The following LUC7L2 variants were observed in gnomAD, a reference collection of about 807,000 sequenced individuals.
The protein encoded by LUC7L2 is LUC7 like 2, pre-mRNA splicing factor.
In LUC7L2, 25 loss-of-function variants were observed where a neutral mutation model predicts 52.8. The ratio of observed to expected loss-of-function variants is 0.47; its 90% confidence interval spans 0.34 to 0.66. The LOEUF is 0.66. Among genes scored for constraint, LUC7L2 ranks in the 30% least tolerant of loss-of-function variants. The pLI is 0.01. For missense variants in LUC7L2, 328 were observed against 497.8 expected (o/e 0.66, Z 3.25); for synonymous variants, 144 against 160.9 (o/e 0.89, Z 0.80).
chr7:139,374,917 A>G (rs1378471800), intron 1 of LUC7L2: 7 of 992,000 alleles, frequency 7.1e-6, no homozygotes, highest in Non-Finnish European at 7.2e-6. Context: ...ATCACATCCT[A>G]CACGAAAGTT....
At chr7:139,422,114 G>GT in intron 9 of LUC7L2, 49 bp from the exon 10 acceptor site, 1 of 1,553,756 alleles carries the variant, frequency 6.4e-7, no homozygotes, top group Non-Finnish European at 8.6e-7. Flanking sequence ...TTTAATTTGG[G>GT]TTTTTGGGTT....
chr7:139,345,907 T>C (rs892851037), intron 1 of LUC7L2: 2 of 523,992 alleles, frequency 3.8e-6, no homozygotes, highest in Non-Finnish European at 6.0e-6. Flanking sequence ...GTTGTTTTTC[T>C]ACTTAAAAAA....
chr7:139,340,672 A>G (rs1437896934), intron 1 of LUC7L2: 5 of 394,496 alleles, frequency 1.3e-5, no homozygotes, highest in East Asian at 7.2e-5. Context: ...ATAGTTGAAT[A>G]TGTTGTGTGA....
chr7:139,375,255 C>T, intron 1 of LUC7L2: 3 of 984,706 alleles, frequency 3.0e-6, no homozygotes, highest in Non-Finnish European at 3.6e-6. Context: ...ATTTGATAAG[C>T]AGGTTGGATG....
intron 9 of LUC7L2, among the ~76,000 whole-genome samples, chr7:139,418,929 C>A (rs749584755): frequency 4.6e-5 from 7 of 151,860 alleles, no homozygotes; most frequent in Admixed American, 1.3e-4. Context: ...ACCAGCCTGG[C>A]CAACCAACCC....
At chr7:139,347,530 T>C (rs1406379535) in intron 1 of LUC7L2, among the ~76,000 whole-genome samples, 2 of 151,214 alleles carry the variant, frequency 1.3e-5, no homozygotes, top group African/African-American at 2.4e-5. Flanking sequence ...GAGGTTGCAG[T>C]GAGCCGAGAT....
chr7:139,385,988 A>G (rs1204722578), intron 2 of LUC7L2, among the ~76,000 whole-genome samples: 4 of 152,186 alleles, frequency 2.6e-5, no homozygotes, highest in African/African-American at 9.7e-5. Flanking sequence ...ATAGTAAGAA[A>G]TGAAAACTTG....
intron 2 of LUC7L2, among the ~76,000 whole-genome samples, chr7:139,386,384 A>G (rs534089152): frequency 2.9e-4 from 43 of 146,130 alleles, no homozygotes; most frequent in African/African-American, 1.1e-3. Flanking sequence ...CACTGGAAAT[A>G]TTTTTCTCTG....
At chr7:139,403,046 A>G (rs1794985353) in intron 4 of LUC7L2, among the ~76,000 whole-genome samples, 1 of 152,096 alleles carries the variant, frequency 6.6e-6, no homozygotes, top group South Asian at 2.1e-4. Context: ...CGCTTTTGAG[A>G]TTTGGCCTTT....
intron 7 of LUC7L2, among the ~76,000 whole-genome samples, chr7:139,411,651 T>TCCTA (rs2131303232): frequency 6.6e-6 from 1 of 152,322 alleles, no homozygotes; most frequent in East Asian, 1.9e-4. Context: ...CCCTGTGGTG[T>TCCTA]CCTACTAGCC....
chr7:139,402,920 A>G (rs565890953), intron 4 of LUC7L2, among the ~76,000 whole-genome samples: 1 of 152,292 alleles, frequency 6.6e-6, no homozygotes, highest in Admixed American at 6.5e-5. Flanking sequence ...CCCCTTTTAT[A>G]GCTACATCCA....
intron 9 of LUC7L2, among the ~76,000 whole-genome samples, chr7:139,420,032 T>C (rs1795816722): frequency 6.7e-6 from 1 of 148,340 alleles, no homozygotes; most frequent in Admixed American, 6.6e-5. Flanking sequence ...CTCCTTTCCC[T>C]ACTGTGAAAT....
intron 1 of LUC7L2, among the ~76,000 whole-genome samples, chr7:139,349,168 A>T (rs4077889): frequency 2.0e-5 from 3 of 152,076 alleles, no homozygotes; most frequent in Non-Finnish European, 4.4e-5. Flanking sequence ...ACAAACCAAC[A>T]AGCAAACAAA....
intron 4 of LUC7L2, among the ~76,000 whole-genome samples, chr7:139,402,773 C>G (rs919671895): frequency 2.0e-5 from 3 of 152,338 alleles, no homozygotes; most frequent in Non-Finnish European, 4.4e-5. Flanking sequence ...ATCTACCCAC[C>G]TTGGCCTCCC....
At chr7:139,421,730 A>G (rs1297090606) in intron 9 of LUC7L2, among the ~76,000 whole-genome samples, 1 of 152,252 alleles carries the variant, frequency 6.6e-6, no homozygotes, top group Non-Finnish European at 1.5e-5. Context: ...CTAAAAAGAA[A>G]AGAACTGCCA....
intron 1 of LUC7L2, among the ~76,000 whole-genome samples, chr7:139,372,668 A>G (rs1313895141): frequency 6.6e-6 from 1 of 152,116 alleles, no homozygotes; most frequent in African/African-American, 2.4e-5. Context: ...GGCCGGGTGC[A>G]GTGGCTCCTG....
At position 139,345,285 on chromosome 7, in the gene LUC7L2, A is replaced by G. The variant is rs572339823; in HGVS notation, c.-26+4768A>G. On this transcript the variant is annotated intron_variant, in intron 1 of 10. Transcript: ENST00000541170. ...TACTGACTGAATACAGGGACATTCA[A>G]TGCAACTCCTTTTAAAAATCCGAAC... 3.3e-5 allele frequency among the ~76,000 whole-genome samples: 5 copies of G among 152,282 alleles called. No homozygotes were observed. In the South Asian group the frequency reaches 6.2e-4, roughly 19 times the overall value.
intron 1 of LUC7L2, chr7:139,340,564 A>G (rs937600446): frequency 6.0e-5 from 24 of 397,842 alleles, no homozygotes; most frequent in African/African-American, 4.1e-4. Flanking sequence ...TCTAACTACA[A>G]CTCCCAGCAT....
chr7:139,357,091 T>C (rs1799627588), upstream of LUC7L2, among the ~76,000 whole-genome samples: 2 of 152,238 alleles, frequency 1.3e-5, no homozygotes, highest in South Asian at 4.1e-4. Flanking sequence ...TAAATTAGAC[T>C]TTGATACCTT....
Sources: allele counts gnomAD v4.1 joint callset (sites outside exome capture counted in the v4.1 genomes callset), GRCh38; gene constraint gnomAD v4.1.1; transcripts MANE v1.5; gene names NCBI Gene and HGNC (gene_info 2026-07-23, HGNC 2026-07-21).